Variants in MTARC2 observed in about 807,000 individuals in gnomAD.
The protein encoded by MTARC2 is mitochondrial amidoxime reducing component 2, also known as MOCO sulphurase C-terminal domain containing 2.
In MTARC2, 27 loss-of-function variants were observed where a neutral mutation model predicts 35.6. The ratio of observed to expected loss-of-function variants is 0.76; its 90% CI spans 0.56 to 1.04. The LOEUF (loss-of-function observed/expected upper bound fraction) is 1.04. Ranked by LOEUF, MTARC2 falls within the 50% of genes least tolerant of loss-of-function variation. The pLI is 0.00. For missense variants in MTARC2, 412 were observed against 432.5 expected (o/e 0.95, Z 0.42); for synonymous variants, 158 against 167.1 (o/e 0.95, Z 0.42).
At chr1:220,774,647 C>G (rs1054767093) in intron 4 of MTARC2, among the ~76,000 whole-genome samples, 3,607 of 152,228 alleles carry the variant, frequency 0.024, 110 homozygotes, top group African/African-American at 0.064. Flanking sequence ...GCTTGGTGGC[C>G]TGGATCTAAT....
At position 220,781,910 on chromosome 1, in the gene MTARC2, G is replaced by T; in HGVS notation, c.*9G>T. ...TGTATCGGATGGTGTAGTGATGAGTGATGGATCCACTAGGGTGATATGGTA... is the reference window on the plus strand; with the variant it reads ...TGTATCGGATGGTGTAGTGATGAGTTATGGATCCACTAGGGTGATATGGTA... On this transcript the variant is annotated 3_prime_UTR_variant, in exon 7 of 8. Coordinates refer to ENST00000366913, the MANE Select transcript of MTARC2 (RefSeq NM_017898.5). 1 of 1,613,846 alleles carries T rather than the reference G, an allele frequency of 6.2e-7. No homozygotes were observed. Among genetic ancestry groups the T allele is most frequent in the Non-Finnish European group, 8.5e-7 (1 of 1,179,838 alleles).
intron 2 of MTARC2, among the ~76,000 whole-genome samples, chr1:220,759,604 T>C (rs1424936362): frequency 3.3e-5 from 5 of 152,078 alleles, no homozygotes; most frequent in African/African-American, 1.2e-4. Context: ...GTGAGTAATA[T>C]GTGTGCACTT....
At position 220,762,953 on chromosome 1, in the gene MTARC2, C is replaced by G; in HGVS notation, c.653C>G (p.Ala218Gly). Residue 218 changes from alanine (A) to glycine (G), a missense_variant, in exon 4 of 8, where the codon GCC becomes GGC. Transcript: ENST00000366913. ...TGCCCGCTCCTGATCATGACAGATG[C>G]CTCCCTGGTAGATTTGAATACCAGG... is the stretch of plus-strand genomic sequence containing the variant. ...DYCPLLIMTD[A>G]SLVDLNTRME... The G allele has an allele frequency of 6.2e-7, 1 of 1,614,160 alleles. No homozygotes were observed.
At chr1:220,783,470 T>C (rs551006020) in intron 7 of MTARC2, among the ~76,000 whole-genome samples, 34 of 152,356 alleles carry the variant, frequency 2.2e-4, no homozygotes, top group African/African-American at 7.7e-4. Context: ...AGGGCTTTCA[T>C]GTGTTCTCTG....
At chr1:220,755,221 AC>A (rs1671243924) in intron 2 of MTARC2, 101 bp downstream of exon 2, 2 of 1,266,182 alleles carry the variant, frequency 1.6e-6, no homozygotes, top group African/African-American at 3.0e-5. Context: ...GTAGAGGATG[AC>A]ATTGGTAAAG....
Position 220,755,045 on chromosome 1 carries a change from T to G in MTARC2, c.371T>G (p.Ile124Ser). 6.2e-7 allele frequency: 1 copy of G among 1,613,242 alleles called. No individual in the cohort carries two copies. Among genetic ancestry groups the G allele is most frequent in the Non-Finnish European group, 8.5e-7 (1 of 1,179,644 alleles). ...ATCATTTATGAGAATAACTGCCTGA[T>G]CTTCAGGGCTCCAGACATGGACCAG... is the stretch of plus-strand genomic sequence containing the variant. ...ISIIYENNCL[I>S]FRAPDMDQLV... The change falls in exon 2 of 8, where the codon ATC becomes AGC. Residue 124 changes from isoleucine to serine, a missense_variant. Physicochemically the swap from Ile to Ser is moderately radical, Grantham distance 142 (BLOSUM62 -2). Coordinates refer to ENST00000366913, the MANE Select transcript of MTARC2 (RefSeq NM_017898.5).
At chr1:220,771,658 A>G (rs1671747314) in intron 4 of MTARC2, among the ~76,000 whole-genome samples, 1 of 152,032 alleles carries the variant, frequency 6.6e-6, no homozygotes, top group Non-Finnish European at 1.5e-5. Flanking sequence ...TTAAAAAGTA[A>G]CTCATACTCT....
At chr1:220,778,401 A>G (rs1045493066) in intron 4 of MTARC2, among the ~76,000 whole-genome samples, 3 of 152,186 alleles carry the variant, frequency 2.0e-5, no homozygotes, top group African/African-American at 7.2e-5. Flanking sequence ...CCTACATGGC[A>G]GAAGCGGAAG....
chr1:220,762,820 G>A, intron 3 of MTARC2, 90 bp from the exon 4 acceptor site: 8 of 1,405,126 alleles, frequency 5.7e-6, no homozygotes, highest in East Asian at 2.3e-5. Context: ...GCACTGAAGA[G>A]GTTTTGCTTC....
intron 4 of MTARC2, among the ~76,000 whole-genome samples, chr1:220,776,579 A>G (rs1671920350): frequency 6.6e-6 from 1 of 152,146 alleles, no homozygotes; most frequent in Non-Finnish European, 1.5e-5. Context: ...ATAGGTGGTG[A>G]TTAATATTTT....
intron 7 of MTARC2, 102 bp downstream of exon 7, chr1:220,782,034 A>G (rs757193750): frequency 1.6e-4 from 161 of 1,037,730 alleles, no homozygotes; most frequent in Middle Eastern, 4.3e-4. Flanking sequence ...TCTTGAGAGA[A>G]TGAACAGTTT....
intron 4 of MTARC2, among the ~76,000 whole-genome samples, chr1:220,764,392 C>T (rs1671524735): frequency 6.6e-6 from 1 of 152,152 alleles, no homozygotes; most frequent in Non-Finnish European, 1.5e-5. Context: ...TGTGCCCGGC[C>T]CCTAATTTGT....
At chr1:220,752,791 G>A (rs551284031) in intron 1 of MTARC2, among the ~76,000 whole-genome samples, 2 of 152,086 alleles carry the variant, frequency 1.3e-5, no homozygotes, top group South Asian at 4.2e-4. Flanking sequence ...AGGCTGCCAT[G>A]AGCTAAGATC....
chr1:220,762,784 C>G, intron 3 of MTARC2, 126 bp from the exon 4 acceptor site: 1 of 1,018,726 alleles, frequency 9.8e-7, no homozygotes, highest in South Asian at 1.6e-5. Context: ...CATCTCTCTC[C>G]TTCCTGAACA....
chr1:220,780,989 G>A (rs1212604898), intron 6 of MTARC2, among the ~76,000 whole-genome samples: 1 of 128,108 alleles, frequency 7.8e-6, no homozygotes, highest in Non-Finnish European at 1.6e-5. Flanking sequence ...TTACCAAGGA[G>A]CTTCTTTTAT....
chr1:220,775,797 C>A (rs1235414180), intron 4 of MTARC2, among the ~76,000 whole-genome samples: 1 of 152,158 alleles, frequency 6.6e-6, no homozygotes, highest in Non-Finnish European at 1.5e-5. Context: ...TCTGTTCCTG[C>A]AGTAATTCTT....
Position 220,759,101 on chromosome 1 carries a change from T to C in MTARC2, c.447-2557T>C, listed in dbSNP as rs115221141. ...AAACATTTACTCTTTTCTTCCACTT[T>C]TACATAGCAAGTCTTAAAAACACTT... is the stretch of plus-strand genomic sequence containing the variant. On this transcript the variant is annotated intron_variant, in intron 2 of 7. Coordinates refer to ENST00000366913, the MANE Select transcript of MTARC2 (RefSeq NM_017898.5). Among the ~76,000 whole-genome samples, 1,156 of 152,366 alleles carry C rather than the reference T, an allele frequency of 7.6e-3. 20 individuals are homozygous for C. The highest frequency in any genetic ancestry group is 0.027 in the African/African-American group (1,114 of 41,584).
chr1:220,765,225 C>T (rs1016271216), intron 4 of MTARC2, among the ~76,000 whole-genome samples: 2 of 151,892 alleles, frequency 1.3e-5, no homozygotes, highest in Non-Finnish European at 1.5e-5. Context: ...AGGTGACAGG[C>T]AGTTGGGAGG....
At chr1:220,765,865 A>G (rs1671565185) in intron 4 of MTARC2, among the ~76,000 whole-genome samples, 1 of 152,218 alleles carries the variant, frequency 6.6e-6, no homozygotes, top group Admixed American at 6.5e-5. Flanking sequence ...TATAGTCATG[A>G]GCTACCTCAC....
Sources: gnomAD v4.1 joint callset for allele counts (sites outside exome capture counted in the v4.1 genomes callset) on GRCh38, gnomAD v4.1.1 for gene constraint, MANE v1.5 for transcripts, NCBI Gene and HGNC (gene_info 2026-07-23, HGNC 2026-07-21) for gene names.